TEK: variants seen among roughly 807,000 people sequenced by gnomAD.
TEK encodes TEK receptor tyrosine kinase, also known as angiopoietin-1 receptor.
A neutral mutation model predicts 131.8 loss-of-function variants in TEK; 43 were observed. That is an observed-to-expected ratio of 0.33 (90% CI 0.26 to 0.42). The LOEUF is 0.42. Ranked by LOEUF, TEK falls within the 10% of genes least tolerant of loss-of-function variation. TEK has a pLI of 1.00. For synonymous variants in TEK, 580 were observed against 491.6 expected (o/e 1.18, Z -2.38); for missense variants, 1,162 against 1,384.4 (o/e 0.84, Z 2.55).
chr9:27,115,613 T>G (rs538348056), intron 1 of TEK, among the ~76,000 whole-genome samples: 1 of 152,228 alleles, frequency 6.6e-6, no homozygotes, highest in Admixed American at 6.5e-5. Flanking sequence ...AAACAACTTG[T>G]AGGTTGATTT....
intron 13 of TEK, 69 bp downstream of exon 13, chr9:27,203,188 CA>C: frequency 6.4e-7 from 1 of 1,554,170 alleles, no homozygotes; most frequent in South Asian, 1.1e-5. Flanking sequence ...TTTATCAGGA[CA>C]GGCCTGTGAG....
chr9:27,109,714 C>T, intron 1 of TEK, 72 bp downstream of exon 1: 3 of 1,500,626 alleles, frequency 2.0e-6, no homozygotes, highest in Non-Finnish European at 2.8e-6. Flanking sequence ...GGTGCTCTCC[C>T]CAAATCTCAT....
intron 1 of TEK, among the ~76,000 whole-genome samples, chr9:27,138,216 A>G (rs2027122): frequency 0.23 from 35,371 of 152,018 alleles, 4,658 homozygotes; most frequent in Admixed American, 0.3. Flanking sequence ...AAGATTCCAC[A>G]GTGTGGAAGG....
chr9:27,226,500 A>C lies in TEK; in HGVS notation c.3201-1706A>C, dbSNP rs183263480. 1.6e-3 allele frequency among the ~76,000 whole-genome samples: 243 copies of C among 152,136 alleles called. 1 individual carries two copies. The highest frequency in any genetic ancestry group is 7.5e-3 in the South Asian group (36 of 4,808). On this transcript the variant is annotated intron_variant, in intron 21 of 22. Transcript: ENST00000380036. ...ACAAGAACAGAAGACCAAACATTGCATGTTCTCACTCATAAGTTGGAGTTT... is the reference window on the plus strand; with the variant it reads ...ACAAGAACAGAAGACCAAACATTGCCTGTTCTCACTCATAAGTTGGAGTTT...
rs765002673 is a variant in TEK at position 27,212,684 on chromosome 9, G to A, written c.2687-23G>A. The A allele has an allele frequency of 6.2e-6, 10 of 1,613,470 alleles. 1 individual carries two copies. In the South Asian group the frequency reaches 1.1e-4, roughly 18 times the overall value. On this transcript the variant is annotated intron_variant, in intron 16 of 22. Transcript: ENST00000380036. ...AGCTGTTCAGGGCCACTGATGAGTC[G>A]ATGCTCTCTTCCTTCCCTCCAGGCT...
intron 1 of TEK, among the ~76,000 whole-genome samples, chr9:27,145,146 C>G (rs949933807): frequency 1.3e-5 from 2 of 152,156 alleles, no homozygotes; most frequent in Non-Finnish European, 2.9e-5. Context: ...CCAAATAGCC[C>G]CCTGATCTCC....
chr9:27,168,208 A>C (rs1385932120), intron 2 of TEK, among the ~76,000 whole-genome samples: 3 of 152,180 alleles, frequency 2.0e-5, no homozygotes, highest in Non-Finnish European at 4.4e-5. Flanking sequence ...AATCAACACA[A>C]AGTCCTCATC....
At chr9:27,207,410 C>G (rs1825436847) in intron 15 of TEK, among the ~76,000 whole-genome samples, 1 of 152,182 alleles carries the variant, frequency 6.6e-6, no homozygotes, top group Admixed American at 6.5e-5. Flanking sequence ...TCAATGGTTC[C>G]TCTGTACACT....
chr9:27,212,495 G>T (rs1258557940), intron 16 of TEK, among the ~76,000 whole-genome samples: 2 of 152,108 alleles, frequency 1.3e-5, no homozygotes, highest in African/African-American at 4.8e-5. Context: ...GGGTGGGAAG[G>T]AGCAAAACCA....
intron 1 of TEK, among the ~76,000 whole-genome samples, chr9:27,156,519 G>A (rs187813441): frequency 1.6e-4 from 24 of 152,092 alleles, no homozygotes; most frequent in African/African-American, 5.5e-4. Flanking sequence ...CATGCCAAGA[G>A]TGGAGAAAAA....
chr9:27,227,149 AG>A (rs1303734623), intron 21 of TEK, among the ~76,000 whole-genome samples: 1 of 152,198 alleles, frequency 6.6e-6, no homozygotes, highest in African/African-American at 2.4e-5. Flanking sequence ...AATGGTTGAT[AG>A]CCTTCCATGC....
Position 27,157,958 on chromosome 9 carries a change from C to T in TEK, c.180C>T (p.Asp60=), listed in dbSNP as rs1210257438. 5 of 1,613,836 alleles carry T rather than the reference C, an allele frequency of 3.1e-6. No homozygotes were observed. The African/African-American group carries it at 5.3e-5, about 17-fold the overall frequency. The change falls in exon 2 of 23, where the codon GAC becomes GAT. Residue 60 remains aspartate (D), a synonymous_variant. Coordinates refer to ENST00000380036, the MANE Select transcript of TEK (RefSeq NM_000459.5). The part of the protein sequence containing the change: ...RPHEPITIGR[D]FEALMNQHQD... ...ATGAGCCCATCACCATAGGAAGGGACTTTGAAGCCTTAATGAACCAGCACC... is the reference window on the plus strand; with the variant it reads ...ATGAGCCCATCACCATAGGAAGGGATTTTGAAGCCTTAATGAACCAGCACC...
At position 27,203,136 on chromosome 9, in the gene TEK, A is replaced by G. The variant is rs638203; in HGVS notation, c.2209+17A>G. On this transcript the variant is annotated intron_variant, in intron 13 of 22. Coordinates refer to ENST00000380036, the MANE Select transcript of TEK (RefSeq NM_000459.5). ...AATCTCAAGGTTGGTTGAATGGACA[A>G]GTATTTACATAGGATTACCGTGCAG... is the stretch of plus-strand genomic sequence containing the variant. 766,688 of 1,612,434 alleles carry G rather than the reference A, an allele frequency of 0.48. 185,157 individuals carry two copies. The highest frequency in any genetic ancestry group is 0.51 in the Admixed American group (30,749 of 59,896).
chr9:27,201,367 G>A (rs1488381306), intron 12 of TEK, among the ~76,000 whole-genome samples: 1 of 152,164 alleles, frequency 6.6e-6, no homozygotes, highest in Admixed American at 6.5e-5. Flanking sequence ...ACTGGTTTAT[G>A]AAGTTGAATT....
At position 27,119,501 on chromosome 9, in the gene TEK, A is replaced by G. The variant is rs142713828; in HGVS notation, c.52+9859A>G. 1.3e-3 allele frequency among the ~76,000 whole-genome samples: 196 copies of G among 152,282 alleles called. 1 individual carries two copies. Among genetic ancestry groups the G allele is most frequent in the Middle Eastern group, 3.4e-3 (1 of 294 alleles). ...AGGCAACCCACATTCCATGCAGATGAGGCTCCCTGGCTTCCCTTGGTGTCC... is the reference window on the plus strand; with the variant it reads ...AGGCAACCCACATTCCATGCAGATGGGGCTCCCTGGCTTCCCTTGGTGTCC... On this transcript the variant is annotated intron_variant, in intron 1 of 22. Coordinates refer to ENST00000380036, the MANE Select transcript of TEK (RefSeq NM_000459.5).
At chr9:27,190,968 T>C (rs1210596287) in intron 10 of TEK, among the ~76,000 whole-genome samples, 3 of 152,110 alleles carry the variant, frequency 2.0e-5, no homozygotes, top group African/African-American at 4.8e-5. Flanking sequence ...TCCAGTCCTG[T>C]TTTTAGTTAT....
At chr9:27,163,040 T>G (rs531253924) in intron 2 of TEK, among the ~76,000 whole-genome samples, 20 of 152,336 alleles carry the variant, frequency 1.3e-4, no homozygotes, top group African/African-American at 4.8e-4. Flanking sequence ...AGCCTCTATT[T>G]TTGCCACATG....
At chr9:27,228,682 G>A (rs560508880) in intron 22 of TEK, among the ~76,000 whole-genome samples, 2 of 152,266 alleles carry the variant, frequency 1.3e-5, no homozygotes, top group East Asian at 1.9e-4. Flanking sequence ...TTACTATAAT[G>A]AGGGTCAGGA....
Position 27,229,393 on chromosome 9 carries a change from T to G in TEK, c.*161T>G. The G allele has an allele frequency of 1.4e-6, 1 of 724,982 alleles. No individual in the cohort carries two copies. The highest frequency in any genetic ancestry group is 2.5e-6 in the Non-Finnish European group (1 of 400,530). The allele number at this position is 724,982 out of a possible 1,614,324, so 44.9% of individuals were successfully genotyped here. On this transcript the variant is annotated 3_prime_UTR_variant, in exon 23 of 23. Coordinates refer to ENST00000380036, the MANE Select transcript of TEK (RefSeq NM_000459.5). ...ACTGTAGATCCCATGCATGGATCTA[T>G]GTAGTATGCTCTGACTCTAATAGGA...
Sources: gnomAD v4.1 joint callset for allele counts (sites outside exome capture counted in the v4.1 genomes callset) on GRCh38, gnomAD v4.1.1 for gene constraint, MANE v1.5 for transcripts, NCBI Gene and HGNC (gene_info 2026-07-23, HGNC 2026-07-21) for gene names.